RBM47: variants seen among roughly 807,000 people sequenced by gnomAD.
The protein encoded by RBM47 is RNA-binding protein 47.
A neutral mutation model predicts 47.1 loss-of-function variants in RBM47; 21 were observed. That is an observed-to-expected ratio of 0.45 (90% CI 0.32 to 0.64). The LOEUF (loss-of-function observed/expected upper bound fraction) is 0.64. Ranked by LOEUF, RBM47 falls within the 30% of genes least tolerant of loss-of-function variation. The probability of loss-of-function intolerance (pLI) is 0.05; values close to 1 mark genes in which losing one functional copy is unlikely to be tolerated. For synonymous variants in RBM47, 375 were observed against 361.7 expected (o/e 1.04, Z -0.42); for missense variants, 708 against 870.9 (o/e 0.81, Z 2.35).
At chr4:40,535,985 G>A (rs150241531) in intron 2 of RBM47, among the ~76,000 whole-genome samples, 1,651 of 152,344 alleles carry the variant, frequency 0.011, 82 homozygotes, top group Admixed American at 0.088. Flanking sequence ...ACAGGCGTGA[G>A]CCACTGCGCC....
At chr4:40,462,604 C>A (rs981679107) in intron 3 of RBM47, among the ~76,000 whole-genome samples, 1 of 152,136 alleles carries the variant, frequency 6.6e-6, no homozygotes, top group African/African-American at 2.4e-5. Flanking sequence ...GTTCCCCAAA[C>A]GCTTGCTTTC....
intron 1 of RBM47, among the ~76,000 whole-genome samples, chr4:40,590,549 C>T (rs758062464): frequency 6.6e-6 from 1 of 152,196 alleles, no homozygotes; most frequent in African/African-American, 2.4e-5. Context: ...CATTGCCTCA[C>T]CTGGTGAATG....
At chr4:40,593,883 CAA>C (rs34280289) in intron 1 of RBM47, among the ~76,000 whole-genome samples, 1 of 116,232 alleles carries the variant, frequency 8.6e-6, no homozygotes. Flanking sequence ...GACTCTGTCT[CAA>C]AAAAAAAAAA....
chr4:40,472,801 G>A (rs1264663193), intron 2 of RBM47, among the ~76,000 whole-genome samples: 1 of 151,834 alleles, frequency 6.6e-6, no homozygotes, highest in Admixed American at 6.6e-5. Flanking sequence ...CTGCTTGGCA[G>A]AATAAAGGAG....
At chr4:40,606,631 T>C (rs1486490901) in intron 1 of RBM47, among the ~76,000 whole-genome samples, 1 of 152,180 alleles carries the variant, frequency 6.6e-6, no homozygotes, top group Non-Finnish European at 1.5e-5. Flanking sequence ...ATTTGGTCTC[T>C]GGCTCTCCAC....
At chr4:40,573,801 G>GGAAGA (rs1731998624) in intron 1 of RBM47, among the ~76,000 whole-genome samples, 1 of 102,694 alleles carries the variant, frequency 9.7e-6, no homozygotes. Flanking sequence ...GAGAGAGAAA[G>GGAAGA]AAAGAAAAAG....
intron 4 of RBM47, among the ~76,000 whole-genome samples, chr4:40,437,054 G>C (rs1970852): frequency 9.7e-6 from 1 of 102,872 alleles, no homozygotes; most frequent in Non-Finnish European, 1.8e-5. Context: ...AGCCTGGGGA[G>C]CATGGTGAGA....
chr4:40,544,893 A>C (rs1728867225), intron 1 of RBM47, among the ~76,000 whole-genome samples: 1 of 152,124 alleles, frequency 6.6e-6, no homozygotes, highest in South Asian at 2.1e-4. Flanking sequence ...CAATATAGTG[A>C]GAGCCTATCT....
intron 2 of RBM47, among the ~76,000 whole-genome samples, chr4:40,508,807 G>A (rs996119724): frequency 6.6e-6 from 1 of 152,208 alleles, no homozygotes; most frequent in African/African-American, 2.4e-5. Context: ...ATCAAGCTGT[G>A]TACCTAACAG....
chr4:40,533,021 C>T (rs558845091), intron 2 of RBM47, among the ~76,000 whole-genome samples: 93 of 152,242 alleles, frequency 6.1e-4, no homozygotes, highest in African/African-American at 2.2e-3. Flanking sequence ...CACTTTCAGA[C>T]AGGACTCCAC....
chr4:40,601,038 C>T (rs17587482), intron 1 of RBM47, among the ~76,000 whole-genome samples: 55,117 of 146,692 alleles, frequency 0.38, 10,629 homozygotes, highest in African/African-American at 0.44. Flanking sequence ...CCTAGTAAGC[C>T]TTTCCAGTCA....
chr4:40,580,054 G>A (rs553401768), intron 1 of RBM47, among the ~76,000 whole-genome samples: 7 of 152,078 alleles, frequency 4.6e-5, no homozygotes, highest in South Asian at 2.1e-4. Context: ...CACCGCTTCC[G>A]GCCTACTTTT....
At chr4:40,465,517 C>T (rs1717872148) in intron 3 of RBM47, among the ~76,000 whole-genome samples, 1 of 152,062 alleles carries the variant, frequency 6.6e-6, no homozygotes, top group South Asian at 2.1e-4. Context: ...AAAAAATTAG[C>T]TGGGCATGAA....
At chr4:40,575,811 CTT>C (rs1270610143) in intron 1 of RBM47, among the ~76,000 whole-genome samples, 2 of 152,176 alleles carry the variant, frequency 1.3e-5, no homozygotes, top group Non-Finnish European at 2.9e-5. Flanking sequence ...AATTTTCTCT[CTT>C]TTGAAGAGAA....
chr4:40,621,065 AAT>A (rs1180569008), intron 1 of RBM47, among the ~76,000 whole-genome samples: 2 of 152,026 alleles, frequency 1.3e-5, no homozygotes, highest in East Asian at 3.8e-4. Context: ...CATGACTGAC[AAT>A]AGTCAGAAAT....
chr4:40,594,511 C>T (rs547672258), intron 1 of RBM47, among the ~76,000 whole-genome samples: 1 of 149,662 alleles, frequency 6.7e-6, no homozygotes, highest in African/African-American at 2.5e-5. Context: ...GTCAAAGCTA[C>T]TCCTCTGCAT....
At chr4:40,458,534 T>C (rs1716628415) in intron 3 of RBM47, among the ~76,000 whole-genome samples, 2 of 152,224 alleles carry the variant, frequency 1.3e-5, no homozygotes, top group South Asian at 4.1e-4. Context: ...ATGTGGGGTA[T>C]TTTGGAAGCT....
intron 3 of RBM47, among the ~76,000 whole-genome samples, chr4:40,456,503 T>G (rs542238649): frequency 6.6e-6 from 1 of 151,894 alleles, no homozygotes; most frequent in South Asian, 2.1e-4. Flanking sequence ...CCTATATATC[T>G]ATATATACCA....
intron 3 of RBM47, among the ~76,000 whole-genome samples, chr4:40,460,867 G>A (rs1260509591): frequency 2.5e-5 from 3 of 119,304 alleles, no homozygotes; most frequent in African/African-American, 9.7e-5. Flanking sequence ...CAGCCTGGGT[G>A]ACAGAGTTAA....
Sources: allele counts gnomAD v4.1 joint callset (sites outside exome capture counted in the v4.1 genomes callset), GRCh38; gene constraint gnomAD v4.1.1; transcripts MANE v1.5; gene names NCBI Gene and HGNC (gene_info 2026-07-23, HGNC 2026-07-21).